SDCCAG8: variants seen among roughly 807,000 people sequenced by gnomAD.
SDCCAG8 encodes the protein SHH signaling and ciliogenesis regulator SDCCAG8.
Under a neutral mutation model 101.8 loss-of-function variants are expected in SDCCAG8, and 74 were observed. The ratio of observed to expected loss-of-function variants is 0.73; its 90% CI spans 0.60 to 0.88. SDCCAG8 has a LOEUF of 0.88. Among genes scored for constraint, SDCCAG8 ranks in the 40% least tolerant of loss-of-function variants. The pLI is 0.00. For synonymous variants in SDCCAG8, 281 were observed against 292.9 expected (o/e 0.96, Z 0.41); for missense variants, 787 against 822.6 (o/e 0.96, Z 0.53).
chr1:243,267,626 G>A (rs1040911654), intron 1 of SDCCAG8: 83 of 650,758 alleles, frequency 1.3e-4, no homozygotes, highest in South Asian at 7.6e-4. Flanking sequence ...AAAAAGTCCC[G>A]GTCAACTGTG....
intron 16 of SDCCAG8, among the ~76,000 whole-genome samples, chr1:243,483,021 A>G (rs1433731282): frequency 1.3e-5 from 2 of 152,186 alleles, no homozygotes; most frequent in African/African-American, 4.8e-5. Flanking sequence ...CGCCCCGTTC[A>G]TGACTTAATG....
At chr1:243,392,178 C>T (rs754190892) in intron 13 of SDCCAG8, among the ~76,000 whole-genome samples, 1 of 152,142 alleles carries the variant, frequency 6.6e-6, no homozygotes, top group African/African-American at 2.4e-5. Flanking sequence ...TATTCAGGTA[C>T]TCCAATGATT....
chr1:243,469,193 G>A lies in SDCCAG8; in HGVS notation c.1986-19821G>A, dbSNP rs1021048699. On this transcript the variant is annotated intron_variant, in intron 16 of 17. Coordinates refer to ENST00000366541, the MANE Select transcript of SDCCAG8 (RefSeq NM_006642.5). ...TAGTTTCTTGACTTTATTAACGGTC[G>A]AATTGGACTCATATTATCTAGTTTA... is the stretch of plus-strand genomic sequence containing the variant. Among the ~76,000 whole-genome samples, 4 of 152,140 alleles carry A rather than the reference G, an allele frequency of 2.6e-5. No individual in the cohort carries two copies. The South Asian group carries it at 8.3e-4, about 32-fold the overall frequency.
chr1:243,267,500 G>A, intron 1 of SDCCAG8: 1 of 375,030 alleles, frequency 2.7e-6, no homozygotes, highest in Non-Finnish European at 5.1e-6. Context: ...TATTGGGGAG[G>A]CTGAGGCAGG....
intron 5 of SDCCAG8, among the ~76,000 whole-genome samples, chr1:243,291,108 C>T (rs1558242715): frequency 6.6e-6 from 1 of 152,232 alleles, no homozygotes; most frequent in Non-Finnish European, 1.5e-5. Context: ...TGATGCGACA[C>T]TGCAGTATGG....
intron 10 of SDCCAG8, among the ~76,000 whole-genome samples, chr1:243,335,416 T>G (rs1248003627): frequency 6.6e-6 from 1 of 152,194 alleles, no homozygotes; most frequent in East Asian, 1.9e-4. Flanking sequence ...TATTTTTTGG[T>G]TGTTTGCTGG....
intron 11 of SDCCAG8, 35 bp from the exon 12 acceptor site, chr1:243,344,180 A>G (rs779079762): frequency 1.3e-6 from 2 of 1,536,916 alleles, no homozygotes; most frequent in Non-Finnish European, 1.8e-6. Context: ...GGTAGATTCC[A>G]GCAGGTAATC....
chr1:243,268,215 TC>T, intron 1 of SDCCAG8: 1 of 464,408 alleles, frequency 2.2e-6, no homozygotes, highest in Non-Finnish European at 3.9e-6. Context: ...CTCGTTCCTT[TC>T]TAATAGATTC....
chr1:243,363,085 C>T (rs1239854821), intron 12 of SDCCAG8, among the ~76,000 whole-genome samples: 2 of 152,160 alleles, frequency 1.3e-5, no homozygotes, highest in African/African-American at 4.8e-5. Context: ...ATCAGCACAT[C>T]GGTGGCATCC....
chr1:243,461,149 C>T (rs1213767050), intron 16 of SDCCAG8, among the ~76,000 whole-genome samples: 7 of 152,146 alleles, frequency 4.6e-5, no homozygotes, highest in Non-Finnish European at 1.5e-5. Flanking sequence ...TCTTCCCTTC[C>T]GTAAAGCTGT....
At chr1:243,371,127 T>C (rs1030437105) in intron 12 of SDCCAG8, among the ~76,000 whole-genome samples, 4 of 152,166 alleles carry the variant, frequency 2.6e-5, no homozygotes, top group Non-Finnish European at 5.9e-5. Flanking sequence ...TTTGGTAGCA[T>C]GATACTTGAC....
chr1:243,303,799 G>A (rs1039561605), intron 6 of SDCCAG8, among the ~76,000 whole-genome samples: 6 of 152,168 alleles, frequency 3.9e-5, no homozygotes, highest in South Asian at 2.1e-4. Context: ...GGGGCCAGGC[G>A]CAGTGGCTCA....
In SDCCAG8 at chr1:243,342,848, G is replaced by C. The variant is rs116090329; in HGVS notation, c.1357-1367G>C. On this transcript the variant is annotated intron_variant, in intron 11 of 17. Coordinates refer to ENST00000366541, the MANE Select transcript of SDCCAG8 (RefSeq NM_006642.5). ...TTTTAATAACTTCATTATTGTTCTA[G>C]CTTTCTGAGGGCTACTAGGGAGAAG... Among the ~76,000 whole-genome samples, 848 of 152,216 alleles carry C rather than the reference G, an allele frequency of 5.6e-3. 12 individuals are homozygous for C. Among genetic ancestry groups the C allele is most frequent in the African/African-American group, 0.02 (814 of 41,544 alleles).
At chr1:243,284,777 T>C (rs1386489376) in intron 4 of SDCCAG8, among the ~76,000 whole-genome samples, 3 of 152,328 alleles carry the variant, frequency 2.0e-5, no homozygotes, top group African/African-American at 4.8e-5. Context: ...CTTCTTCCTT[T>C]AGGTTGCATA....
intron 1 of SDCCAG8, among the ~76,000 whole-genome samples, chr1:243,262,002 G>A (rs1022361370): frequency 3.3e-5 from 5 of 151,202 alleles, no homozygotes; most frequent in Admixed American, 6.6e-5. Context: ...TAGAGACGGG[G>A]TTTCTCCATA....
chr1:243,344,388 C>A, intron 12 of SDCCAG8, 57 bp downstream of exon 12: 1 of 1,157,498 alleles, frequency 8.6e-7, no homozygotes. Flanking sequence ...CATTCTTTCT[C>A]AAGTTGATGT....
intron 13 of SDCCAG8, among the ~76,000 whole-genome samples, chr1:243,409,276 G>GA (rs920277185): frequency 6.6e-6 from 1 of 152,002 alleles, no homozygotes; most frequent in African/African-American, 2.4e-5. Context: ...TACTATTGAG[G>GA]AAAAAATTAC....
intron 8 of SDCCAG8, among the ~76,000 whole-genome samples, chr1:243,312,274 A>T (rs1254802962): frequency 6.6e-6 from 1 of 152,252 alleles, no homozygotes; most frequent in Admixed American, 6.5e-5. Flanking sequence ...AATGACTTTA[A>T]CATGGAATGT....
chr1:243,469,432 G>T (rs964701398), intron 16 of SDCCAG8, among the ~76,000 whole-genome samples: 9 of 152,296 alleles, frequency 5.9e-5, no homozygotes, highest in Admixed American at 2.0e-4. Context: ...ATGGCAGTGT[G>T]GTTGAAATAT....
Sources: allele counts gnomAD v4.1 joint callset (sites outside exome capture counted in the v4.1 genomes callset), GRCh38; gene constraint gnomAD v4.1.1; transcripts MANE v1.5; gene names NCBI Gene and HGNC (gene_info 2026-07-23, HGNC 2026-07-21).